PCDHA7: variants seen among roughly 807,000 people sequenced by gnomAD.
PCDHA7 encodes protocadherin alpha-7.
PCDHA7 carries 37 observed loss-of-function variants against 57.2 expected under a neutral mutation model. The ratio of observed to expected loss-of-function variants is 0.65; its 90% CI spans 0.50 to 0.85. The LOEUF (loss-of-function observed/expected upper bound fraction) is 0.85. Among genes scored for constraint, PCDHA7 ranks in the 40% least tolerant of loss-of-function variants. PCDHA7 has a pLI of 0.00. For missense variants in PCDHA7, 1,188 were observed against 1,241.8 expected (o/e 0.96, Z 0.65); for synonymous variants, 553 against 558.8 (o/e 0.99, Z 0.15).
chr5:140,871,527 G>T lies in PCDHA7; in HGVS notation c.2355+34789G>T, dbSNP rs537927360. ...TTCTACAGATTCCACCTATCAGGAA[G>T]TGTATGTGAAATTATTTAAAATCCA... On this transcript the variant is annotated intron_variant, in intron 1 of 3. Transcript: ENST00000525929. 7 of 1,531,726 alleles carry T rather than the reference G, an allele frequency of 4.6e-6. No individual in the cohort carries two copies. The African/African-American group carries it at 9.7e-5, about 21-fold the overall frequency. The allele number at this position is 1,531,726 out of a possible 1,614,324, so 94.9% of individuals were successfully genotyped here.
chr5:140,852,172 A>T (rs2042256675), intron 1 of PCDHA7: 1 of 802,380 alleles, frequency 1.2e-6, no homozygotes, highest in South Asian at 5.6e-5. Context: ...GAGCCACAAA[A>T]ATAACTATGA....
intron 1 of PCDHA7, among the ~76,000 whole-genome samples, chr5:140,945,587 C>A (rs2093812111): frequency 6.6e-6 from 1 of 152,052 alleles, no homozygotes; most frequent in African/African-American, 2.4e-5. Context: ...TCAAAATATA[C>A]TTCAAAGCTA....
chr5:140,897,461 A>G (rs1374397258), intron 1 of PCDHA7, among the ~76,000 whole-genome samples: 5 of 151,630 alleles, frequency 3.3e-5, no homozygotes, highest in African/African-American at 4.8e-5. Flanking sequence ...TCCTTGCGAT[A>G]GTTTACTGAG....
At chr5:141,000,361 GTC>G (rs148596731) in intron 3 of PCDHA7, among the ~76,000 whole-genome samples, 577 of 26,370 alleles carry the variant, frequency 0.022, 17 homozygotes, top group Admixed American at 0.027. Context: ...GTCTCTCTCT[GTC>G]TCTCTCTCTC....
In PCDHA7 at chr5:140,883,501, C is replaced by A. The variant is rs570168326; in HGVS notation, c.2355+46763C>A. On this transcript the variant is annotated intron_variant, in intron 1 of 3. Transcript: ENST00000525929. ...ACTACTACTCATTAGTGCTGGACAGCGCCCTGGACCGCGAGAGCGTATCAG... is the reference window on the plus strand; with the variant it reads ...ACTACTACTCATTAGTGCTGGACAGAGCCCTGGACCGCGAGAGCGTATCAG... 3.7e-6 allele frequency: 6 copies of A among 1,614,194 alleles called. No homozygotes were observed. In the Admixed American group the frequency reaches 8.3e-5, roughly 22 times the overall value.
intron 3 of PCDHA7, among the ~76,000 whole-genome samples, chr5:140,986,469 T>G (rs2097202307): frequency 6.6e-6 from 1 of 152,214 alleles, no homozygotes; most frequent in Non-Finnish European, 1.5e-5. Context: ...TGCCCTCTTG[T>G]GATCAGTTCC....
Position 140,853,518 on chromosome 5 carries a change from C to A in PCDHA7, c.2355+16780C>A. On this transcript the variant is annotated intron_variant, in intron 1 of 3. Coordinates refer to ENST00000525929, the MANE Select transcript of PCDHA7 (RefSeq NM_018910.3). ...AGAATCATGAAACAATAATGAAGCT[C>A]CTCCTATGTCTCTTTTCAAGTTGTA... 2.0e-6 allele frequency: 2 copies of A among 976,172 alleles called. 1 individual carries two copies. 60.5% of individuals were successfully genotyped at this position (976,172 alleles called of 1,614,324 possible).
intron 3 of PCDHA7, among the ~76,000 whole-genome samples, chr5:140,985,903 C>G (rs1554247500): frequency 6.6e-6 from 1 of 151,964 alleles, no homozygotes; most frequent in Non-Finnish European, 1.5e-5. Context: ...CCACTCCCGT[C>G]TAATTTTTTG....
chr5:141,007,174 G>T (rs926344346), intron 3 of PCDHA7, among the ~76,000 whole-genome samples: 9 of 152,118 alleles, frequency 5.9e-5, no homozygotes, highest in African/African-American at 2.2e-4. Context: ...AGAGAGAAAG[G>T]TCAGGAGAAT....
intron 1 of PCDHA7, chr5:140,861,445 G>T (rs1196401790): frequency 2.0e-6 from 1 of 494,332 alleles, no homozygotes; most frequent in Non-Finnish European, 4.2e-6. Flanking sequence ...AAAAGCCGCA[G>T]AAACCTTCTG....
chr5:140,861,362 C>T (rs2046877441), intron 1 of PCDHA7: 11 of 354,006 alleles, frequency 3.1e-5, no homozygotes, highest in South Asian at 2.4e-4. Context: ...ATAGCGTCTT[C>T]GCGGTCCCTA....
chr5:140,909,767 G>A (rs114075983), intron 1 of PCDHA7, among the ~76,000 whole-genome samples: 11,557 of 152,088 alleles, frequency 0.076, 504 homozygotes, highest in Middle Eastern at 0.14. Context: ...TGAGTCCAGG[G>A]ACCCACTGGA....
Position 140,835,653 on chromosome 5 carries a change from G to A in PCDHA7, c.1270G>A (p.Val424Met). The A allele has an allele frequency of 6.2e-7, 1 of 1,613,930 alleles. No homozygotes were observed. The highest frequency in any genetic ancestry group is 8.5e-7 in the Non-Finnish European group (1 of 1,179,878). The change falls in exon 1 of 4, where the codon GTG (valine) becomes ATG (methionine). Residue 424 changes from valine (V) to methionine (M), a missense_variant. Coordinates refer to ENST00000525929, the MANE Select transcript of PCDHA7 (RefSeq NM_018910.3). ...DRESVSAYEL[V>M]VTARDGGSPS... ...CGAGAGTGTGTCCGCCTATGAGCTG[G>A]TGGTTACCGCGCGGGACGGGGGCTC...
At chr5:140,940,508 G>A (rs1171264265) in intron 1 of PCDHA7, among the ~76,000 whole-genome samples, 2 of 151,902 alleles carry the variant, frequency 1.3e-5, no homozygotes, top group African/African-American at 4.8e-5. Context: ...CGTCGCTCAG[G>A]CGTGATCATA....
Position 140,836,094 on chromosome 5 carries a change from G to C in PCDHA7, c.1711G>C (p.Gly571Arg). 1 of 1,613,708 alleles carries C rather than the reference G, an allele frequency of 6.2e-7. No homozygotes were observed. Among genetic ancestry groups the C allele is most frequent in the Middle Eastern group, 1.6e-4 (1 of 6,062 alleles). The change falls in exon 1 of 4, where the codon GGT becomes CGT. Residue 571 changes from glycine (G) to arginine (R), a missense_variant. Physicochemically the swap from Gly to Arg is moderately radical, Grantham distance 125. Transcript: ENST00000525929. ...NAPALLAPRV[G>R]GTGGAVRELV... is the part of the protein sequence containing the mutation. ...GCCGGCACTGCTGGCGCCTCGGGTG[G>C]GTGGCACTGGTGGCGCAGTGAGAGA...
At chr5:140,867,519 G>T (rs1028879679) in intron 1 of PCDHA7, 3 of 152,018 alleles carry the variant, frequency 2.0e-5, no homozygotes, top group Admixed American at 1.3e-4. Context: ...CAAATTAATA[G>T]TTGAATATAT....
At chr5:140,907,170 TG>T (rs1318866379) in intron 1 of PCDHA7, among the ~76,000 whole-genome samples, 1 of 152,188 alleles carries the variant, frequency 6.6e-6, no homozygotes. Flanking sequence ...TATTGGATGC[TG>T]ATTCAGAGCA....
intron 1 of PCDHA7, among the ~76,000 whole-genome samples, chr5:140,891,916 G>T (rs1336108155): frequency 6.6e-6 from 1 of 152,170 alleles, no homozygotes; most frequent in Non-Finnish European, 1.5e-5. Context: ...ACCAGATGCT[G>T]GTGCCTTGAT....
intron 1 of PCDHA7, chr5:140,859,685 A>AT (rs1250609126): frequency 6.5e-6 from 1 of 154,692 alleles, no homozygotes; most frequent in Admixed American, 6.4e-5. Context: ...TAAAATTAAA[A>AT]TTATTGTTCA....
Sources: gnomAD v4.1 joint callset for allele counts (sites outside exome capture counted in the v4.1 genomes callset) on GRCh38, gnomAD v4.1.1 for gene constraint, MANE v1.5 for transcripts, NCBI Gene and HGNC (gene_info 2026-07-23, HGNC 2026-07-21) for gene names.